The following C2orf76 variants were observed in gnomAD, a reference collection of about 807,000 sequenced individuals.
C2orf76 encodes chromosome 2 open reading frame 76, also known as UPF0538 protein C2orf76.
C2orf76 carries 23 observed loss-of-function variants against 16.9 expected under a neutral mutation model. The observed-to-expected ratio is 1.36, with a 90% confidence interval of 0.98 to 1.93. C2orf76 has a LOEUF of 1.93. Ranked by LOEUF, C2orf76 falls within the 30% of genes most tolerant of loss-of-function variation. The pLI is 0.00. For missense variants in C2orf76, 152 were observed against 152.6 expected, an observed-to-expected ratio of 1.00 and a Z score of 0.02; for synonymous variants, 48 against 52.3, an observed-to-expected ratio of 0.92 and a Z score of 0.35.
At chr2:119,366,580 C>T (rs1326390332) in intron 1 of C2orf76, 2 of 464,760 alleles carry the variant, frequency 4.3e-6, no homozygotes, top group Non-Finnish European at 8.8e-6. Flanking sequence ...ATTCCCAGGT[C>T]TCAGAGTTTA....
intron 1 of C2orf76, among the ~76,000 whole-genome samples, chr2:119,350,069 G>GCCCCCCCCC (rs1213961999): frequency 3.5e-5 from 1 of 28,560 alleles, no homozygotes; most frequent in Admixed American, 3.4e-4. Flanking sequence ...CGCCCACACC[G>GCCCCCCCCC]CCCCCCGCCC....
chr2:119,332,633 C>G (rs1020572351), intron 2 of C2orf76, among the ~76,000 whole-genome samples: 3 of 152,180 alleles, frequency 2.0e-5, no homozygotes, highest in Non-Finnish European at 4.4e-5. Flanking sequence ...CTGTTACTCC[C>G]TTCCTAGAAG....
At chr2:119,330,671 C>T (rs1416829647) in intron 2 of C2orf76, among the ~76,000 whole-genome samples, 2 of 152,116 alleles carry the variant, frequency 1.3e-5, no homozygotes, top group Non-Finnish European at 2.9e-5. Flanking sequence ...TCCCTCTCTC[C>T]TTCACTATCT....
intron 2 of C2orf76, among the ~76,000 whole-genome samples, chr2:119,338,260 A>G (rs1218207560): frequency 1.3e-5 from 2 of 152,212 alleles, no homozygotes; most frequent in Non-Finnish European, 2.9e-5. Context: ...AAATCAGGAC[A>G]TATAATAGAT....
the C2orf76 span, among the ~76,000 whole-genome samples, chr2:119,282,027 T>C: frequency 6.6e-6 from 1 of 151,878 alleles, no homozygotes; most frequent in Non-Finnish European, 1.5e-5. Context: ...ACGCCTGCAA[T>C]CCCAGCTACT....
chr2:119,292,833 G>A, the C2orf76 span, among the ~76,000 whole-genome samples: 1 of 152,100 alleles, frequency 6.6e-6, no homozygotes, highest in Non-Finnish European at 1.5e-5. Flanking sequence ...TCAGGAGTTT[G>A]AGACCAGCCT....
At chr2:119,322,868 G>A (rs1193936046) in intron 2 of C2orf76, among the ~76,000 whole-genome samples, 2 of 151,782 alleles carry the variant, frequency 1.3e-5, no homozygotes, top group South Asian at 2.1e-4. Context: ...GGGGAGGGCA[G>A]GGGGGTGCTG....
intron 5 of C2orf76, among the ~76,000 whole-genome samples, chr2:119,309,621 T>C (rs1055209320): frequency 6.6e-6 from 1 of 152,026 alleles, no homozygotes; most frequent in Admixed American, 6.6e-5. Context: ...GATTTCACCA[T>C]ATTGGCCAAG....
rs532280768 is a variant in C2orf76, at chr2:119,302,226, A to T, written c.*246T>A. 4.2e-5 allele frequency: 13 copies of T among 307,120 alleles called. No homozygotes were observed. Among genetic ancestry groups the T allele is most frequent in the Non-Finnish European group, 7.7e-5 (13 of 168,776 alleles). 19.0% of individuals were successfully genotyped at this position (307,120 alleles called of 1,614,324 possible). ...AATTTAAGAATCAATATTCCACAAT[A>T]ATTTTTAATAACAATTTATTTCCCT... On this transcript the variant is annotated 3_prime_UTR_variant, in exon 6 of 6. Transcript: ENST00000334816.
In C2orf76 at chr2:119,366,787, C is replaced by T; in HGVS notation, c.-13+3G>A. On this transcript the variant is annotated splice_donor_region_variant and intron_variant, in intron 1 of 5. Coordinates refer to ENST00000334816, the MANE Select transcript of C2orf76 (RefSeq NM_001322331.2). Reference sequence around the variant, plus strand: ...CTAAGCACCCTACTTCCGTTGTCCCCACCTGTTCCCGGCGTCCCCTTCGGC... The same window carrying T: ...CTAAGCACCCTACTTCCGTTGTCCCTACCTGTTCCCGGCGTCCCCTTCGGC... 1 of 575,920 alleles carries T rather than the reference C, an allele frequency of 1.7e-6. No homozygotes were observed. The highest frequency in any genetic ancestry group is 3.1e-6 in the Non-Finnish European group (1 of 325,628). The allele number at this position is 575,920 out of a possible 1,614,324, so 35.7% of individuals were successfully genotyped here. A position where few individuals can be genotyped will look rare whatever the true frequency, so the allele number is the denominator to read the frequency against.
chr2:119,353,694 C>T (rs1311590174), intron 1 of C2orf76, among the ~76,000 whole-genome samples: 1 of 151,786 alleles, frequency 6.6e-6, no homozygotes, highest in Admixed American at 6.6e-5. Context: ...TCCAGAGTAG[C>T]TGGGACTACG....
At chr2:119,328,066 G>A (rs1215658161) in intron 2 of C2orf76, among the ~76,000 whole-genome samples, 1 of 151,276 alleles carries the variant, frequency 6.6e-6, no homozygotes, top group East Asian at 1.9e-4. Context: ...TCGCTATGTT[G>A]CTTGGGTTGT....
chr2:119,352,627 G>A (rs1680440592), intron 1 of C2orf76, among the ~76,000 whole-genome samples: 1 of 152,068 alleles, frequency 6.6e-6, no homozygotes, highest in Admixed American at 6.5e-5. Context: ...CCACCTGCTG[G>A]GTATTTATAG....
chr2:119,331,009 G>A (rs1415228378), intron 2 of C2orf76, among the ~76,000 whole-genome samples: 1 of 151,986 alleles, frequency 6.6e-6, no homozygotes, highest in East Asian at 1.9e-4. Flanking sequence ...AATATTTCTG[G>A]GTTGGTTTCA....
chr2:119,300,299 C>T (rs1678597429), downstream of C2orf76, among the ~76,000 whole-genome samples: 1 of 152,230 alleles, frequency 6.6e-6, no homozygotes, highest in Admixed American at 6.5e-5. Flanking sequence ...CTCTTCCCCT[C>T]GGCCCCTGCC....
intron 1 of C2orf76, among the ~76,000 whole-genome samples, chr2:119,343,925 A>G (rs2104613616): frequency 6.6e-6 from 1 of 152,396 alleles, no homozygotes; most frequent in Middle Eastern, 3.4e-3. Context: ...AGGTTTGGGT[A>G]TAAAGACAGC....
At chr2:119,340,595 T>A (rs1679994430) in intron 1 of C2orf76, among the ~76,000 whole-genome samples, 1 of 152,102 alleles carries the variant, frequency 6.6e-6, no homozygotes, top group African/African-American at 2.4e-5. Context: ...ACATGAAGCA[T>A]TTTGCCTCAT....
Position 119,339,902 on chromosome 2 carries a change from T to C in C2orf76, c.58A>G (p.Asn20Asp), listed in dbSNP as rs1408716728. ...VRLIRSFEHR[N>D]FKPVVYHGVN... is the part of the protein sequence containing the mutation. ...CCGTGATACACTACAGGTTTGAAAT[T>C]GCGATGTTCAAAGGAACGGATGAGG... Residue 20 changes from asparagine to aspartate, a missense_variant, in exon 2 of 6, where the codon AAT becomes GAT. By Grantham distance (23) the Asn-to-Asp change is conservative. Coordinates refer to ENST00000334816, the MANE Select transcript of C2orf76 (RefSeq NM_001322331.2). The C allele has an allele frequency of 6.2e-7, 1 of 1,613,360 alleles. No individual in the cohort carries two copies. The highest frequency in any genetic ancestry group is 8.5e-7 in the Non-Finnish European group (1 of 1,179,286).
chr2:119,317,612 T>C (rs1679213939), intron 3 of C2orf76, 109 bp from the exon 4 acceptor site: 5 of 757,334 alleles, frequency 6.6e-6, no homozygotes, highest in African/African-American at 1.8e-5. Context: ...TAAGTCCTTG[T>C]TTTATAACCA....
Sources: gnomAD v4.1 joint callset for allele counts (sites outside exome capture counted in the v4.1 genomes callset) on GRCh38, gnomAD v4.1.1 for gene constraint, MANE v1.5 for transcripts, NCBI Gene and HGNC (gene_info 2026-07-23, HGNC 2026-07-21) for gene names.